The following LMOD1 variants were observed in gnomAD, a reference collection of about 807,000 sequenced individuals.
LMOD1 encodes the protein leiomodin 1.
Under a neutral mutation model 36.5 loss-of-function variants are expected in LMOD1, and 8 were observed. The observed-to-expected ratio is 0.22, with a 90% confidence interval of 0.13 to 0.40. LMOD1 has a LOEUF of 0.40. Among genes scored for constraint, LMOD1 ranks in the 10% least tolerant of loss-of-function variants. The pLI is 1.00. For synonymous variants in LMOD1, 284 were observed against 288.7 expected (o/e 0.98, Z 0.17); for missense variants, 630 against 751.1 (o/e 0.84, Z 1.88).
At chr1:201,904,779 C>T (rs1681386089) in intron 1 of LMOD1, among the ~76,000 whole-genome samples, 1 of 152,162 alleles carries the variant, frequency 6.6e-6, no homozygotes, top group South Asian at 2.1e-4. Flanking sequence ...AGCTTGTTGC[C>T]GCTTGTGTAG....
chr1:201,919,587 C>A (rs1681666875), intron 1 of LMOD1, among the ~76,000 whole-genome samples: 1 of 152,128 alleles, frequency 6.6e-6, no homozygotes, highest in Admixed American at 6.5e-5. Context: ...AGCAAGGTGA[C>A]CCCTTCTCTT....
intron 1 of LMOD1, among the ~76,000 whole-genome samples, chr1:201,906,338 G>A (rs2102912144): frequency 6.6e-6 from 1 of 152,218 alleles, no homozygotes; most frequent in African/African-American, 2.4e-5. Context: ...TCCGCATCCT[G>A]CATCAGTCCC....
At chr1:201,925,901 G>A (rs1290788743) in intron 1 of LMOD1, among the ~76,000 whole-genome samples, 1 of 151,784 alleles carries the variant, frequency 6.6e-6, no homozygotes, top group Non-Finnish European at 1.5e-5. Context: ...AGACTGGGGG[G>A]CGGGGTCTCC....
At chr1:201,919,291 G>A (rs1681660592) in intron 1 of LMOD1, among the ~76,000 whole-genome samples, 1 of 151,508 alleles carries the variant, frequency 6.6e-6, no homozygotes, top group African/African-American at 2.4e-5. Flanking sequence ...TGCAACCTCC[G>A]CCTCCTGGGT....
chr1:201,900,054 T>G lies in LMOD1; in HGVS notation c.959A>C (p.Glu320Ala). 1 of 1,613,762 alleles carries G rather than the reference T, an allele frequency of 6.2e-7. No individual in the cohort carries two copies. Among genetic ancestry groups the G allele is most frequent in the East Asian group, 2.2e-5 (1 of 44,874 alleles). Residue 320 changes from glutamate to alanine, a missense_variant, in exon 2 of 3, where the codon GAG (glutamate) becomes GCG (alanine). Physicochemically the swap from Glu to Ala is moderately radical, Grantham distance 107 (BLOSUM62 -1). This residue lies in a region of LMOD1 where 405 missense variants were observed against 400.6 expected (regional missense o/e 1.01). Coordinates refer to ENST00000367288, the MANE Select transcript of LMOD1 (RefSeq NM_012134.3). ...ATTGTTCTTCACTCTCTCCAGAGGC[T>G]CATCAAATATGCTGGGAGCTGCCTC... ...EEEAAPSIFD[E>A]PLERVKNNDP...
chr1:201,935,963 A>G (rs1682011321), intron 1 of LMOD1, among the ~76,000 whole-genome samples: 1 of 151,438 alleles, frequency 6.6e-6, no homozygotes, highest in Non-Finnish European at 1.5e-5. Context: ...AAAATACAAA[A>G]AATTAGCCGG....
intron 1 of LMOD1, among the ~76,000 whole-genome samples, chr1:201,918,658 C>T (rs1681648537): frequency 6.6e-6 from 1 of 152,160 alleles, no homozygotes; most frequent in African/African-American, 2.4e-5. Flanking sequence ...CTGGCTAACA[C>T]TTCTTCTTTT....
chr1:201,899,979 T>C lies in LMOD1; in HGVS notation c.1034A>G (p.Asn345Ser). ...VNVNNSDCIT[N>S]EILVRFTEAL... ...CTCAGTAAACCGGACCAAGATCTCA[T>C]TTGTGATGCAGTCTGAGTTGTTGAC... The change falls in exon 2 of 3, where the codon AAT (asparagine) becomes AGT (serine). Residue 345 changes from asparagine (N) to serine (S), a missense_variant. Asn to Ser is a conservative substitution (Grantham distance 46). Around this residue, in one of 3 missense-constraint regions of LMOD1, gnomAD observed 81 missense variants for 180.6 expected, o/e 0.45. Transcript: ENST00000367288. The surrounding 1 kb of genome is among the most constrained non-coding windows in gnomAD (Gnocchi z 6.3). 1 of 1,613,914 alleles carries C rather than the reference T, an allele frequency of 6.2e-7. No individual in the cohort carries two copies. The highest frequency in any genetic ancestry group is 8.5e-7 in the Non-Finnish European group (1 of 1,179,880).
At chr1:201,923,516 T>A (rs1571585141) in intron 1 of LMOD1, among the ~76,000 whole-genome samples, 1 of 151,514 alleles carries the variant, frequency 6.6e-6, no homozygotes, top group South Asian at 2.1e-4. Flanking sequence ...AGACCAGGAG[T>A]TTGAGATCAG....
At chr1:201,924,671 AAGAAAGAAAG>A (rs1312009961) in intron 1 of LMOD1, among the ~76,000 whole-genome samples, 3 of 12,260 alleles carry the variant, frequency 2.4e-4, no homozygotes, top group Non-Finnish European at 4.9e-4. Context: ...AAAAAAAAGA[AAGAAAGAAAG>A]AAAGAAAGAA....
chr1:201,943,293 C>T (rs1682151121), intron 1 of LMOD1, among the ~76,000 whole-genome samples: 1 of 152,166 alleles, frequency 6.6e-6, no homozygotes. Context: ...TTCAACCTCT[C>T]TAAGATAATA....
chr1:201,901,524 ATATATG>A (rs1326985741), intron 1 of LMOD1, among the ~76,000 whole-genome samples: 12 of 38,928 alleles, frequency 3.1e-4, no homozygotes, highest in East Asian at 1.7e-3. Context: ...ATATATATAT[ATATATG>A]TATATATATA....
rs372832468 is a variant in LMOD1 at position 201,900,391 on chromosome 1, T to G, written c.622A>C (p.Arg208=). 19 of 1,562,830 alleles carry G rather than the reference T, an allele frequency of 1.2e-5. No individual in the cohort carries two copies. Among genetic ancestry groups the G allele is most frequent in the Non-Finnish European group, 1.6e-5 (19 of 1,152,794 alleles). Residue 208 remains arginine, a synonymous_variant, in exon 2 of 3, where the codon AGA becomes CGA. Transcript: ENST00000367288. ...TGLSRDKDKK[R]EEMKEVAKKE... is the part of the protein sequence containing the mutation. ...TTGGCCACCTCCTTCATCTCCTCTC[T>G]CTTTTTATCCTTGTCCCTGCTCAAG...
intron 1 of LMOD1, among the ~76,000 whole-genome samples, chr1:201,922,963 T>C (rs1681731022): frequency 6.6e-6 from 1 of 152,064 alleles, no homozygotes; most frequent in African/African-American, 2.4e-5. Flanking sequence ...TAGCTGGGAT[T>C]ACAGGTGCGC....
chr1:201,930,097 C>T (rs539305322), intron 1 of LMOD1, among the ~76,000 whole-genome samples: 220 of 152,260 alleles, frequency 1.4e-3, no homozygotes, highest in Non-Finnish European at 2.1e-3. Context: ...TGGTCAAGTA[C>T]AACTGTAGGG....
chr1:201,945,946 C>A, intron 1 of LMOD1, 134 bp downstream of exon 1: 1 of 879,826 alleles, frequency 1.1e-6, no homozygotes, highest in Non-Finnish European at 1.8e-6. Flanking sequence ...AGTGGATAAT[C>A]ATCAGTTCTG....
intron 1 of LMOD1, among the ~76,000 whole-genome samples, chr1:201,938,353 T>C (rs1489871544): frequency 6.6e-6 from 1 of 152,074 alleles, no homozygotes. Context: ...GGTCTCAAAC[T>C]CCCCACCTCA....
In LMOD1 at chr1:201,921,487, C is replaced by CA. The variant is rs57488982; in HGVS notation, c.262-20737dup. On this transcript the variant is annotated intron_variant, in intron 1 of 2. Transcript: ENST00000367288. Reference sequence around the variant, plus strand: ...TGGGCGACAGAGTGAGACTCCATCTCAAAAAAAAAAAAAAAAAAAAAAAAA... The same window carrying CA: ...TGGGCGACAGAGTGAGACTCCATCTCAAAAAAAAAAAAAAAAAAAAAAAAAA... Among the ~76,000 whole-genome samples, 83 of 59,784 alleles carry CA rather than the reference C, an allele frequency of 1.4e-3. 1 individual carries two copies. Among genetic ancestry groups the CA allele is most frequent in the African/African-American group, 3.7e-3 (55 of 14,800 alleles). The allele number at this position is 59,784 out of a possible 152,430, so 39.2% of individuals were successfully genotyped here. A position where few individuals can be genotyped will look rare whatever the true frequency, so the allele number is the denominator to read the frequency against.
intron 1 of LMOD1, among the ~76,000 whole-genome samples, chr1:201,941,431 G>A (rs772143677): frequency 6.6e-6 from 1 of 152,130 alleles, no homozygotes; most frequent in Non-Finnish European, 1.5e-5. Flanking sequence ...AACCCTCTCC[G>A]GTGCCTGCTT....
Sources: allele counts gnomAD v4.1 joint callset (sites outside exome capture counted in the v4.1 genomes callset), GRCh38; gene constraint gnomAD v4.1.1; regional missense constraint gnomAD v4.1.1; non-coding constraint Gnocchi (gnomAD v3.1); transcripts MANE v1.5; gene names NCBI Gene and HGNC (gene_info 2026-07-23, HGNC 2026-07-21).